Variants in SERGEF observed in about 807,000 individuals in gnomAD.
SERGEF encodes secretion regulating guanine nucleotide exchange factor.
Under a neutral mutation model 50.0 loss-of-function variants are expected in SERGEF, and 51 were observed. That is an observed-to-expected ratio of 1.02 (90% CI 0.81 to 1.29). The LOEUF (loss-of-function observed/expected upper bound fraction) is 1.29. Among genes scored for constraint, SERGEF ranks in the 50% most tolerant of loss-of-function variants. The probability of loss-of-function intolerance (pLI) is 0.00; values close to 1 mark genes in which losing one functional copy is unlikely to be tolerated. For synonymous variants in SERGEF, 205 were observed against 212.4 expected (o/e 0.97, Z 0.30); for missense variants, 521 against 557.0 (o/e 0.94, Z 0.65).
chr11:17,939,836 A>T (rs1387661997), intron 9 of SERGEF, among the ~76,000 whole-genome samples: 2 of 152,216 alleles, frequency 1.3e-5, no homozygotes, highest in Non-Finnish European at 2.9e-5. Flanking sequence ...AGACTTGGCC[A>T]TTCCTCTTAG....
At chr11:17,811,223 A>G (rs985999786) in intron 10 of SERGEF, among the ~76,000 whole-genome samples, 1 of 152,264 alleles carries the variant, frequency 6.6e-6, no homozygotes, top group Non-Finnish European at 1.5e-5. Context: ...CACACAGTAC[A>G]TTAGGGTTAC....
At chr11:17,974,663 C>T (rs181776911) in intron 8 of SERGEF, among the ~76,000 whole-genome samples, 36 of 152,290 alleles carry the variant, frequency 2.4e-4, no homozygotes, top group Admixed American at 1.4e-3. Context: ...GGCTCTGCTA[C>T]GTGTTAGCTG....
At chr11:17,859,224 C>A (rs1339284016) in intron 10 of SERGEF, among the ~76,000 whole-genome samples, 1 of 151,906 alleles carries the variant, frequency 6.6e-6, no homozygotes, top group African/African-American at 2.4e-5. Context: ...TGTTTAAACT[C>A]TATAATTAAT....
At chr11:17,790,216 A>T (rs1264598162) in intron 10 of SERGEF, among the ~76,000 whole-genome samples, 2 of 152,074 alleles carry the variant, frequency 1.3e-5, no homozygotes, top group African/African-American at 4.8e-5. Flanking sequence ...ACAAGTAACC[A>T]CTATTTGAAG....
chr11:17,835,755 C>T (rs1455630552), intron 10 of SERGEF, among the ~76,000 whole-genome samples: 1 of 152,192 alleles, frequency 6.6e-6, no homozygotes, highest in African/African-American at 2.4e-5. Flanking sequence ...AAAGGACAAT[C>T]TTGCTGTTTA....
chr11:17,800,289 C>A (rs930978934), intron 10 of SERGEF, among the ~76,000 whole-genome samples: 5 of 152,194 alleles, frequency 3.3e-5, no homozygotes, highest in African/African-American at 1.2e-4. Flanking sequence ...TCCCGCACCA[C>A]TGACACACCA....
intron 10 of SERGEF, among the ~76,000 whole-genome samples, chr11:17,873,233 GGT>G (rs1851179041): frequency 6.6e-6 from 1 of 152,100 alleles, no homozygotes; most frequent in Non-Finnish European, 1.5e-5. Flanking sequence ...GTGTGACCTG[GGT>G]GGAGTAAACT....
chr11:17,908,190 A>G (rs1435033056), intron 9 of SERGEF, among the ~76,000 whole-genome samples: 1 of 152,142 alleles, frequency 6.6e-6, no homozygotes, highest in Non-Finnish European at 1.5e-5. Context: ...ATGGCCCCTC[A>G]TCACCTTCAG....
At chr11:17,956,873 A>T (rs1852884036) in intron 9 of SERGEF, among the ~76,000 whole-genome samples, 2 of 152,188 alleles carry the variant, frequency 1.3e-5, no homozygotes, top group Admixed American at 1.3e-4. Context: ...CCAAGGTAGC[A>T]CCTAGTTTAG....
At chr11:17,854,906 TTA>T (rs541141464) in intron 10 of SERGEF, 121 of 152,292 alleles carry the variant, frequency 7.9e-4, no homozygotes, top group African/African-American at 2.8e-3. Flanking sequence ...GCTCAGTCCT[TTA>T]TATATATTAT....
At chr11:17,962,781 T>C (rs1250024556) in intron 8 of SERGEF, among the ~76,000 whole-genome samples, 1 of 152,060 alleles carries the variant, frequency 6.6e-6, no homozygotes, top group African/African-American at 2.4e-5. Flanking sequence ...CCTGGCAGGC[T>C]TGAGGGAACA....
rs749487533 is a variant in SERGEF, at chr11:17,805,230, G to A, written c.1049-16817C>T. Among the ~76,000 whole-genome samples the A allele has an allele frequency of 1.6e-4, 24 of 152,306 alleles. No homozygotes were observed. In the East Asian group the frequency reaches 2.5e-3, roughly 16 times the overall value. Reference sequence around the variant, plus strand: ...CTCAGCTCTGCCATTAACTCAACACGTGGTCTTGGGTGAGTCACTACCTCT... The same window carrying A: ...CTCAGCTCTGCCATTAACTCAACACATGGTCTTGGGTGAGTCACTACCTCT... On this transcript the variant is annotated intron_variant, in intron 10 of 10. Coordinates refer to ENST00000265965, the MANE Select transcript of SERGEF (RefSeq NM_012139.4).
rs58279017 is a variant in SERGEF, at chr11:17,888,628, T to TACACACACACAC, written c.1012-10396_1012-10385dup. On this transcript the variant is annotated intron_variant, in intron 9 of 10. Transcript: ENST00000265965. This position sits in a 1 kb window ranked among gnomAD's most constrained non-coding sequence, Gnocchi z 4.1. The stretch of plus-strand genomic sequence containing the variant: ...AGTTATCAGTATGAACTCACAGTTT[T>TACACACACACAC]ACACACACACACACACACACACACA... Among the ~76,000 whole-genome samples the TACACACACACAC allele has an allele frequency of 4.2e-5, 6 of 143,878 alleles. No individual in the cohort carries two copies. Among genetic ancestry groups the TACACACACACAC allele is most frequent in the African/African-American group, 1.3e-4 (5 of 38,508 alleles). The allele number at this position is 143,878 out of a possible 152,430, so 94.4% of individuals were successfully genotyped here. A position where few individuals can be genotyped will look rare whatever the true frequency, so the allele number is the denominator to read the frequency against.
chr11:17,896,193 G>A (rs1483654554), intron 9 of SERGEF, among the ~76,000 whole-genome samples: 2 of 152,050 alleles, frequency 1.3e-5, no homozygotes, highest in Non-Finnish European at 2.9e-5. Flanking sequence ...ACCACATTCA[G>A]AAGAAAAAGA....
chr11:17,850,857 G>A (rs1272887730), intron 10 of SERGEF, among the ~76,000 whole-genome samples: 1 of 152,134 alleles, frequency 6.6e-6, no homozygotes, highest in Non-Finnish European at 1.5e-5. Context: ...CCACCACCAG[G>A]GGGGCAATTG....
At chr11:17,868,553 T>C (rs1851074545) in intron 10 of SERGEF, among the ~76,000 whole-genome samples, 1 of 152,210 alleles carries the variant, frequency 6.6e-6, no homozygotes, top group South Asian at 2.1e-4. Context: ...CCAACCTCTG[T>C]CTGTTACCCA....
intron 10 of SERGEF, among the ~76,000 whole-genome samples, chr11:17,866,442 G>T (rs1364071264): frequency 1.3e-5 from 2 of 152,132 alleles, no homozygotes; most frequent in Non-Finnish European, 2.9e-5. Context: ...TACCATCTAG[G>T]TTTGTTAAGT....
At chr11:17,829,071 G>A (rs1257945781) in intron 10 of SERGEF, among the ~76,000 whole-genome samples, 1 of 152,194 alleles carries the variant, frequency 6.6e-6, no homozygotes, top group Non-Finnish European at 1.5e-5. Flanking sequence ...AATCACAGAG[G>A]AAGTGTTTTC....
intron 10 of SERGEF, among the ~76,000 whole-genome samples, chr11:17,810,527 A>G (rs1849849485): frequency 6.6e-6 from 1 of 152,214 alleles, no homozygotes; most frequent in Admixed American, 6.5e-5. Flanking sequence ...ACCGAACAGA[A>G]AACTGGGGCC....
Sources: allele counts gnomAD v4.1 joint callset (sites outside exome capture counted in the v4.1 genomes callset), GRCh38; gene constraint gnomAD v4.1.1; non-coding constraint Gnocchi (gnomAD v3.1); transcripts MANE v1.5; gene names NCBI Gene and HGNC (gene_info 2026-07-23, HGNC 2026-07-21).